VTI1A: variants seen among roughly 807,000 people sequenced by gnomAD.
VTI1A encodes vesicle transport through interaction with t-SNAREs 1A.
VTI1A carries 22 observed loss-of-function variants against 34.9 expected under a neutral mutation model. That is an observed-to-expected ratio of 0.63 (90% CI 0.45 to 0.90). The LOEUF is 0.90. VTI1A is among the 40% of genes least tolerant of loss of function. The probability of loss-of-function intolerance (pLI) is 0.00; values close to 1 mark genes in which losing one functional copy is unlikely to be tolerated. For missense variants in VTI1A, 268 were observed against 275.6 expected (o/e 0.97, Z 0.20); for synonymous variants, 87 against 97.3 (o/e 0.89, Z 0.62).
chr10:112,841,133 CG>C, the VTI1A span, among the ~76,000 whole-genome samples: 2 of 152,136 alleles, frequency 1.3e-5, no homozygotes, highest in South Asian at 4.1e-4. Flanking sequence ...GAGTCCTCAG[CG>C]CACTAGCTTC....
intron 5 of VTI1A, among the ~76,000 whole-genome samples, chr10:112,554,512 A>G (rs892505856): frequency 7.2e-5 from 11 of 152,218 alleles, no homozygotes; most frequent in African/African-American, 2.4e-4. Flanking sequence ...CTGTGCCATG[A>G]GCATAATTTT....
At chr10:112,471,367 A>ATTTTTTT (rs576549183) in intron 3 of VTI1A, among the ~76,000 whole-genome samples, 10 of 94,384 alleles carry the variant, frequency 1.1e-4, no homozygotes, top group East Asian at 3.3e-4. Context: ...ATTCTTATTG[A>ATTTTTTT]TTTTTTTTTT....
At chr10:112,830,605 G>A in the VTI1A span, among the ~76,000 whole-genome samples, 382 of 150,308 alleles carry the variant, frequency 2.5e-3, 1 homozygote, top group South Asian at 0.014. Context: ...CATCATCCAC[G>A]TTATGTGGAT....
chr10:112,585,663 C>A, intron 5 of VTI1A, among the ~76,000 whole-genome samples: 1 of 117,298 alleles, frequency 8.5e-6, no homozygotes, highest in East Asian at 2.5e-4. Context: ...TTGTGGATTT[C>A]TTTTTTTTTT....
chr10:112,737,893 C>A (rs73350600), intron 7 of VTI1A: 2 of 1,061,982 alleles, frequency 1.9e-6, no homozygotes, highest in Non-Finnish European at 2.3e-6. Context: ...TGCCTTTCAG[C>A]GAGTGTGAGG....
At chr10:112,513,277 G>C (rs1228866791) in intron 3 of VTI1A, among the ~76,000 whole-genome samples, 1 of 151,946 alleles carries the variant, frequency 6.6e-6, no homozygotes, top group Non-Finnish European at 1.5e-5. Flanking sequence ...TTATACCCAA[G>C]TGTTTAATTT....
At chr10:112,776,171 A>G (rs561198204) in intron 7 of VTI1A, among the ~76,000 whole-genome samples, 8 of 152,344 alleles carry the variant, frequency 5.3e-5, no homozygotes, top group African/African-American at 1.7e-4. Flanking sequence ...TCGAGGAGTA[A>G]GATTGTTTTA....
At chr10:112,797,771 G>T (rs898126940) in intron 7 of VTI1A, among the ~76,000 whole-genome samples, 6 of 152,106 alleles carry the variant, frequency 3.9e-5, no homozygotes, top group Non-Finnish European at 8.8e-5. Flanking sequence ...AGGAATTAGA[G>T]CATTTACCTA....
chr10:112,594,625 G>T (rs1844545487), intron 5 of VTI1A, among the ~76,000 whole-genome samples: 1 of 152,020 alleles, frequency 6.6e-6, no homozygotes, highest in Non-Finnish European at 1.5e-5. Context: ...ACCTCTTCAA[G>T]GAGAACTACA....
intron 7 of VTI1A, among the ~76,000 whole-genome samples, chr10:112,679,137 G>A (rs986508737): frequency 3.3e-5 from 5 of 152,090 alleles, no homozygotes; most frequent in African/African-American, 1.2e-4. Flanking sequence ...TTTTTCAGCA[G>A]CATTTAAGGA....
chr10:112,503,207 T>C (rs2134159659), intron 3 of VTI1A, among the ~76,000 whole-genome samples: 1 of 152,284 alleles, frequency 6.6e-6, no homozygotes, highest in South Asian at 2.1e-4. Context: ...CACCAGGTCT[T>C]ATTTTTTCTG....
chr10:112,654,424 T>C (rs190130936), intron 5 of VTI1A, among the ~76,000 whole-genome samples: 1 of 152,318 alleles, frequency 6.6e-6, no homozygotes, highest in Admixed American at 6.5e-5. Flanking sequence ...AGAAATAATA[T>C]TAAGATCGTA....
At chr10:112,634,534 C>T (rs1186040300) in intron 5 of VTI1A, among the ~76,000 whole-genome samples, 1 of 151,238 alleles carries the variant, frequency 6.6e-6, no homozygotes, top group Non-Finnish European at 1.5e-5. Flanking sequence ...CACACACACA[C>T]ACACACACAC....
At chr10:112,736,111 G>GTATATATATA (rs372188173) in intron 7 of VTI1A, among the ~76,000 whole-genome samples, 1,317 of 116,118 alleles carry the variant, frequency 0.011, 18 homozygotes, top group African/African-American at 0.022. Flanking sequence ...ATGTGTGTGT[G>GTATATATATA]TATATATATA....
intron 7 of VTI1A, among the ~76,000 whole-genome samples, chr10:112,812,212 G>C (rs1167237231): frequency 1.3e-5 from 2 of 152,228 alleles, no homozygotes; most frequent in African/African-American, 4.8e-5. Context: ...CTTCTTTCAA[G>C]TGTATATTCT....
rs532501339 is a variant in VTI1A, at chr10:112,626,877, C to G, written c.428-41341C>G. Among the ~76,000 whole-genome samples, 19 of 152,308 alleles carry G rather than the reference C, an allele frequency of 1.2e-4. No homozygotes were observed. The South Asian group carries it at 3.7e-3, about 30-fold the overall frequency. On this transcript the variant is annotated intron_variant, in intron 5 of 7. Coordinates refer to ENST00000393077, the MANE Select transcript of VTI1A (RefSeq NM_145206.4). ...AATTCACACAAATGCAGCCACAAAG[C>G]CTGCATCATAACTTTTCACTTCCAA... is the stretch of plus-strand genomic sequence containing the variant.
At chr10:112,759,633 AT>A (rs753075227) in intron 7 of VTI1A, among the ~76,000 whole-genome samples, 9 of 152,160 alleles carry the variant, frequency 5.9e-5, no homozygotes, top group Non-Finnish European at 8.8e-5. Context: ...AATTCAGGGA[AT>A]CCTCCCAGTC....
intron 7 of VTI1A, among the ~76,000 whole-genome samples, chr10:112,708,098 A>G (rs1473376031): frequency 6.6e-6 from 1 of 152,268 alleles, no homozygotes; most frequent in East Asian, 1.9e-4. Context: ...ACATTGAAGA[A>G]GCTAAACACA....
intron 5 of VTI1A, among the ~76,000 whole-genome samples, chr10:112,618,491 A>T (rs967229375): frequency 1.3e-4 from 9 of 69,534 alleles, no homozygotes; most frequent in East Asian, 1.1e-3. Context: ...TGATTATATT[A>T]TATATATATA....
Sources: gnomAD v4.1 joint callset for allele counts (sites outside exome capture counted in the v4.1 genomes callset) on GRCh38, gnomAD v4.1.1 for gene constraint, MANE v1.5 for transcripts, NCBI Gene and HGNC (gene_info 2026-07-23, HGNC 2026-07-21) for gene names.